HIPK1: variants seen among roughly 807,000 people sequenced by gnomAD.
The protein encoded by HIPK1 is homeodomain interacting protein kinase 1, also known as homeodomain-interacting protein kinase 1.
HIPK1 carries 28 observed loss-of-function variants against 117.1 expected under a neutral mutation model. The observed-to-expected ratio is 0.24, with a 90% confidence interval of 0.18 to 0.33. HIPK1 has a LOEUF of 0.33. HIPK1 is among the 10% of genes least tolerant of loss of function. The probability of loss-of-function intolerance (pLI) is 1.00; values close to 1 mark genes in which losing one functional copy is unlikely to be tolerated. For missense variants in HIPK1, 1,122 were observed against 1,475.1 expected, an observed-to-expected ratio of 0.76 and a Z score of 3.92; for synonymous variants, 605 against 562.5, an observed-to-expected ratio of 1.08 and a Z score of -1.07.
Position 113,960,584 on chromosome 1 carries a change from G to A in HIPK1, c.1982-1733G>A, listed in dbSNP as rs1282584706. Among the ~76,000 whole-genome samples, 6 of 152,104 alleles carry A rather than the reference G, an allele frequency of 3.9e-5. No homozygotes were observed. In the East Asian group the frequency reaches 9.6e-4, roughly 24 times the overall value. On this transcript the variant is annotated intron_variant, in intron 8 of 15. Coordinates refer to ENST00000426820, the MANE Select transcript of HIPK1 (RefSeq NM_198268.3). The stretch of plus-strand genomic sequence containing the variant: ...CCTAAATTTTACCAATTTGTAGGAG[G>A]CTATTATTATACAATACCAATGTCT...
Position 113,962,451 on chromosome 1 carries a change from G to C in HIPK1, c.2103+13G>C, listed in dbSNP as rs777798846. 6.2e-6 allele frequency: 10 copies of C among 1,612,262 alleles called. No individual in the cohort carries two copies. The highest frequency in any genetic ancestry group is 7.6e-6 in the Non-Finnish European group (9 of 1,179,066). ...AGTTCTCACGCAGGTAAAAGCTAGA[G>C]CAATGTGGATACTCAGTATTGCTAA... On this transcript the variant is annotated intron_variant, in intron 9 of 15. Coordinates refer to ENST00000426820, the MANE Select transcript of HIPK1 (RefSeq NM_198268.3).
intron 2 of HIPK1, among the ~76,000 whole-genome samples, chr1:113,945,757 G>A (rs776969019): frequency 6.6e-6 from 1 of 152,066 alleles, no homozygotes; most frequent in Non-Finnish European, 1.5e-5. Flanking sequence ...TTGTAGCTTT[G>A]TAGTAAGTTT....
chr1:113,938,928 ATAC>A (rs1558125932), intron 1 of HIPK1, among the ~76,000 whole-genome samples: 2 of 11,838 alleles, frequency 1.7e-4, no homozygotes, highest in African/African-American at 3.7e-4. Context: ...AAAAAAAAAA[ATAC>A]ACACACACAC....
chr1:113,976,924 G>A lies in HIPK1; in HGVS notation c.*3412G>A, dbSNP rs1673165986. The A allele has an allele frequency of 6.5e-6, 1 of 152,750 alleles. No homozygotes were observed. The highest frequency in any genetic ancestry group is 1.5e-5 in the Non-Finnish European group (1 of 68,032). The allele number at this position is 152,750 out of a possible 1,614,324, so 9.5% of individuals were successfully genotyped here. A position where few individuals can be genotyped will look rare whatever the true frequency, so the allele number is the denominator to read the frequency against. ...CACTCTGGGCTCATAGGGACACTTG[G>A]TCACTCCAGAGTTTTTAATAGCTCC... is the stretch of plus-strand genomic sequence containing the variant. On this transcript the variant is annotated 3_prime_UTR_variant, in exon 16 of 16. Coordinates refer to ENST00000426820, the MANE Select transcript of HIPK1 (RefSeq NM_198268.3).
At chr1:113,967,404 G>A (rs1303811349) in intron 11 of HIPK1, among the ~76,000 whole-genome samples, 3 of 151,962 alleles carry the variant, frequency 2.0e-5, no homozygotes, top group Non-Finnish European at 4.4e-5. Context: ...CTTGTCTTTT[G>A]GATATAAGCC....
chr1:113,942,135 G>A (rs1263215866), intron 2 of HIPK1, among the ~76,000 whole-genome samples: 1 of 148,572 alleles, frequency 6.7e-6, no homozygotes, highest in African/African-American at 2.5e-5. Context: ...ATTGACTCAC[G>A]GCAGCCTCCA....
chr1:113,966,859 A>G (rs1390911877), intron 11 of HIPK1, among the ~76,000 whole-genome samples: 1 of 138,420 alleles, frequency 7.2e-6, no homozygotes, highest in African/African-American at 2.7e-5. Context: ...TTTTGTACCC[A>G]TTAACCATCC....
intron 13 of HIPK1, among the ~76,000 whole-genome samples, chr1:113,969,539 CTATTAT>C (rs1295366646): frequency 3.3e-5 from 5 of 152,096 alleles, no homozygotes; most frequent in African/African-American, 1.2e-4. Flanking sequence ...GCTAATATTA[CTATTAT>C]TATTACCATC....
In HIPK1 at chr1:113,974,874, T is replaced by TTAG. The variant is rs1673055905; in HGVS notation, c.*1364_*1366dup. On this transcript the variant is annotated 3_prime_UTR_variant, in exon 16 of 16. Transcript: ENST00000426820. Reference sequence around the variant, plus strand: ...TAGTGATTACACTTGAATTGTGTACTTAGTGTGTATGTGATCCTCCAGTGT... The same window carrying TTAG: ...TAGTGATTACACTTGAATTGTGTACTTAGTAGTGTGTATGTGATCCTCCAGTGT... 1 of 152,768 alleles carries TTAG rather than the reference T, an allele frequency of 6.5e-6. No individual in the cohort carries two copies. Among genetic ancestry groups the TTAG allele is most frequent in the Admixed American group, 6.5e-5 (1 of 15,278 alleles). The allele number at this position is 152,768 out of a possible 1,614,324, so 9.5% of individuals were successfully genotyped here.
intron 13 of HIPK1, among the ~76,000 whole-genome samples, chr1:113,969,264 T>C (rs1403106913): frequency 6.6e-6 from 1 of 152,096 alleles, no homozygotes; most frequent in African/African-American, 2.4e-5. Flanking sequence ...AAAGGACCAA[T>C]TGTAAGATGG....
intron 5 of HIPK1, 133 bp from the exon 6 acceptor site, chr1:113,956,494 A>G (rs1671735876): frequency 3.8e-6 from 2 of 523,158 alleles, no homozygotes; most frequent in Non-Finnish European, 3.2e-6. Context: ...TTAGATTTTC[A>G]TAAAAAGAAT....
At chr1:113,938,944 A>C (rs1670451678) in intron 1 of HIPK1, among the ~76,000 whole-genome samples, 1 of 104,416 alleles carries the variant, frequency 9.6e-6, no homozygotes. Context: ...ACACACACAC[A>C]CACACACACA....
At position 113,938,965 on chromosome 1, in the gene HIPK1, T is replaced by TACACACACACACACACAC. The variant is rs1558126082; in HGVS notation, c.-2-1416_-2-1415insCACACACACACACACACA. 1.2e-3 allele frequency among the ~76,000 whole-genome samples: 136 copies of TACACACACACACACACAC among 109,310 alleles called. 1 individual carries two copies. Among genetic ancestry groups the TACACACACACACACACAC allele is most frequent in the Admixed American group, 6.0e-3 (67 of 11,260 alleles). 71.7% of individuals were successfully genotyped at this position (109,310 alleles called of 152,430 possible). On this transcript the variant is annotated intron_variant, in intron 1 of 15. Transcript: ENST00000426820. Reference sequence around the variant, plus strand: ...ACACACACACACACACACACACACTTAGGAGATGGAATGGATAAGATAGAG... The same window carrying TACACACACACACACACAC: ...ACACACACACACACACACACACACTTACACACACACACACACACAGGAGATGGAATGGATAAGATAGAG...
chr1:113,929,950 A>C, intron 1 of HIPK1: 2 of 984,490 alleles, frequency 2.0e-6, no homozygotes, highest in Non-Finnish European at 2.4e-6. Flanking sequence ...GTGAGTGGGG[A>C]CGGGCAGGAG....
At chr1:113,963,633 A>T (rs897697665) in intron 10 of HIPK1, 112 bp downstream of exon 10, 5 of 1,341,216 alleles carry the variant, frequency 3.7e-6, no homozygotes, top group Middle Eastern at 2.4e-4. Flanking sequence ...TTTCAAAAAA[A>T]TTTTTTAGCT....
Position 113,973,952 on chromosome 1 carries a change from T to G in HIPK1, c.*440T>G, listed in dbSNP as rs1673008399. 6.5e-6 allele frequency: 1 copy of G among 154,432 alleles called. No homozygotes were observed. The highest frequency in any genetic ancestry group is 1.4e-5 in the Non-Finnish European group (1 of 69,596). 9.6% of individuals were successfully genotyped at this position (154,432 alleles called of 1,614,324 possible). On this transcript the variant is annotated 3_prime_UTR_variant, in exon 16 of 16. Transcript: ENST00000426820. ...CAGGAAAAATGCTGATAGAAGGAGT[T>G]GAAATCTGATGACAAAAAAAGAAAA...
intron 2 of HIPK1, among the ~76,000 whole-genome samples, chr1:113,945,180 A>C (rs1670911429): frequency 6.6e-6 from 1 of 152,108 alleles, no homozygotes; most frequent in African/African-American, 2.4e-5. Flanking sequence ...ACATCTGTAT[A>C]TCTTCTTTGG....
chr1:113,946,850 T>C (rs1405703387), intron 2 of HIPK1, among the ~76,000 whole-genome samples: 2 of 152,206 alleles, frequency 1.3e-5, no homozygotes, highest in Non-Finnish European at 2.9e-5. Flanking sequence ...TTCTGTTGTG[T>C]CACAGTAATA....
At chr1:113,948,192 T>C (rs1246079515) in intron 2 of HIPK1, among the ~76,000 whole-genome samples, 1 of 152,206 alleles carries the variant, frequency 6.6e-6, no homozygotes, top group Non-Finnish European at 1.5e-5. Flanking sequence ...TTTTGCTTCG[T>C]AGAGTTTGGG....
Sources: gnomAD v4.1 joint callset for allele counts (sites outside exome capture counted in the v4.1 genomes callset) on GRCh38, gnomAD v4.1.1 for gene constraint, MANE v1.5 for transcripts, NCBI Gene and HGNC (gene_info 2026-07-23, HGNC 2026-07-21) for gene names.